KCNQ5: variants seen among roughly 807,000 people sequenced by gnomAD.
KCNQ5 encodes the protein potassium voltage-gated channel subfamily Q member 5, also known as potassium voltage-gated channel subfamily KQT member 5.
KCNQ5 carries 30 observed loss-of-function variants against 98.2 expected under a neutral mutation model. The observed-to-expected ratio is 0.31, with a 90% confidence interval of 0.23 to 0.41. The LOEUF is 0.41. KCNQ5 is among the 10% of genes least tolerant of loss of function. The pLI is 1.00. For synonymous variants in KCNQ5, 458 were observed against 449.4 expected (o/e 1.02, Z -0.24); for missense variants, 835 against 1,182.5 (o/e 0.71, Z 4.31).
rs371908016 is a variant in KCNQ5, at chr6:72,828,960, A to T, written c.399-174948A>T. The stretch of plus-strand genomic sequence containing the variant: ...ATAAAATACATTTATGTACATATCT[A>T]CATATATACACACACATTAAACATA... On this transcript the variant is annotated intron_variant, in intron 1 of 13. Transcript: ENST00000370398. Among the ~76,000 whole-genome samples the T allele has an allele frequency of 1.3e-3, 201 of 152,220 alleles. 2 individuals carry two copies. The highest frequency in any genetic ancestry group is 7.5e-3 in the South Asian group (36 of 4,824).
chr6:73,128,050 G>A (rs1265731336), intron 9 of KCNQ5, among the ~76,000 whole-genome samples: 1 of 152,060 alleles, frequency 6.6e-6, no homozygotes, highest in Non-Finnish European at 1.5e-5. Context: ...GGATGACAGA[G>A]CAAGACTCCA....
chr6:72,932,336 T>C (rs1765726290), intron 1 of KCNQ5, among the ~76,000 whole-genome samples: 1 of 152,064 alleles, frequency 6.6e-6, no homozygotes. Flanking sequence ...AGCTACATCC[T>C]CATCTTCCTA....
At chr6:73,159,999 TTGTTTGTTTGTTTG>T (rs1562213059) in intron 10 of KCNQ5, among the ~76,000 whole-genome samples, 1 of 151,116 alleles carries the variant, frequency 6.6e-6, no homozygotes, top group East Asian at 2.0e-4. Flanking sequence ...TTTTTTTTGT[TTGTTTGTTTGTTTG>T]TTTGTTTGTT....
chr6:72,648,165 A>G (rs1166883642), intron 1 of KCNQ5, among the ~76,000 whole-genome samples: 1 of 152,180 alleles, frequency 6.6e-6, no homozygotes, highest in Non-Finnish European at 1.5e-5. Flanking sequence ...GCCATTCACC[A>G]TGGCTATTGA....
At chr6:73,163,501 C>A (rs1380460762) in intron 10 of KCNQ5, among the ~76,000 whole-genome samples, 2 of 152,112 alleles carry the variant, frequency 1.3e-5, no homozygotes, top group African/African-American at 4.8e-5. Flanking sequence ...AATCCTAACA[C>A]TTTGGGAGGT....
At chr6:73,144,890 C>T (rs1014479086) in intron 10 of KCNQ5, among the ~76,000 whole-genome samples, 2 of 152,210 alleles carry the variant, frequency 1.3e-5, no homozygotes, top group African/African-American at 2.4e-5. Context: ...AGTTCAGGCT[C>T]AACCTATCAC....
chr6:72,935,064 CTTTTTTTTTTTTTT>C (rs59215198), intron 1 of KCNQ5, among the ~76,000 whole-genome samples: 4 of 99,202 alleles, frequency 4.0e-5, no homozygotes, highest in Admixed American at 3.6e-4. Flanking sequence ...CTTGTTCTAT[CTTTTTTTTTTTTTT>C]TTTTTTTTTT....
chr6:72,691,088 C>A (rs559265059), intron 1 of KCNQ5, among the ~76,000 whole-genome samples: 1 of 152,158 alleles, frequency 6.6e-6, no homozygotes, highest in African/African-American at 2.4e-5. Context: ...AACTTGAACT[C>A]AAAAATCAGT....
chr6:72,732,933 G>T (rs1449551240), intron 1 of KCNQ5, among the ~76,000 whole-genome samples: 1 of 152,130 alleles, frequency 6.6e-6, no homozygotes, highest in Non-Finnish European at 1.5e-5. Context: ...GGAGGAGGAT[G>T]CTCCAGTGTC....
chr6:73,153,571 C>T (rs1228096697), intron 10 of KCNQ5, among the ~76,000 whole-genome samples: 1 of 151,998 alleles, frequency 6.6e-6, no homozygotes, highest in Non-Finnish European at 1.5e-5. Flanking sequence ...CAGTCAAAGG[C>T]TAGTCATATT....
chr6:72,669,040 A>T (rs1179514896), intron 1 of KCNQ5, among the ~76,000 whole-genome samples: 1 of 152,100 alleles, frequency 6.6e-6, no homozygotes, highest in African/African-American at 2.4e-5. Flanking sequence ...CCCAAAATGT[A>T]TGTCCTTTTT....
At chr6:72,727,801 A>G (rs1243969403) in intron 1 of KCNQ5, among the ~76,000 whole-genome samples, 1 of 152,034 alleles carries the variant, frequency 6.6e-6, no homozygotes, top group Non-Finnish European at 1.5e-5. Context: ...CCTCAGTTGC[A>G]GGTTGGGTCT....
At chr6:72,913,633 G>T (rs1242343375) in intron 1 of KCNQ5, among the ~76,000 whole-genome samples, 1 of 152,200 alleles carries the variant, frequency 6.6e-6, no homozygotes, top group Non-Finnish European at 1.5e-5. Flanking sequence ...ACCAACAGTT[G>T]TGTAAAGTCT....
At chr6:72,894,958 G>GCA (rs201121326) in intron 1 of KCNQ5, among the ~76,000 whole-genome samples, 5 of 151,334 alleles carry the variant, frequency 3.3e-5, no homozygotes, top group Non-Finnish European at 5.9e-5. Flanking sequence ...GAGCACGTGT[G>GCA]CACACACACA....
intron 1 of KCNQ5, among the ~76,000 whole-genome samples, chr6:72,813,784 T>G (rs1775364006): frequency 6.6e-6 from 1 of 152,232 alleles, no homozygotes; most frequent in African/African-American, 2.4e-5. Context: ...TATAATGTAA[T>G]TGCTATGTAA....
rs917708459 is a variant in KCNQ5, at chr6:72,750,943, C to G, written c.398+128356C>G. 2.0e-5 allele frequency among the ~76,000 whole-genome samples: 3 copies of G among 152,044 alleles called. No individual in the cohort carries two copies. In the East Asian group the frequency reaches 5.8e-4, roughly 29 times the overall value. On this transcript the variant is annotated intron_variant, in intron 1 of 13. Coordinates refer to ENST00000370398, the MANE Select transcript of KCNQ5 (RefSeq NM_019842.4). ...ATTTATGTCATTAAAAAAGATACAT[C>G]TTCTGAATATGCCAGTTGACCAAAT... is the stretch of plus-strand genomic sequence containing the variant.
chr6:72,906,881 C>T (rs1779719642), intron 1 of KCNQ5, among the ~76,000 whole-genome samples: 1 of 152,190 alleles, frequency 6.6e-6, no homozygotes, highest in South Asian at 2.1e-4. Context: ...CTGCTTCATC[C>T]ATCAGAGTTG....
At chr6:73,136,420 G>A (rs1562200325) in intron 10 of KCNQ5, among the ~76,000 whole-genome samples, 5 of 152,176 alleles carry the variant, frequency 3.3e-5, no homozygotes, top group Admixed American at 2.6e-4. Context: ...ATGTCTCAGA[G>A]GTACAGAAAC....
At chr6:72,986,937 G>T in intron 1 of KCNQ5, 1 of 850,148 alleles carries the variant, frequency 1.2e-6, no homozygotes, top group Admixed American at 2.1e-5. Flanking sequence ...GCAGCCTTGG[G>T]GCAGATAACG....
Sources: gnomAD v4.1 joint callset for allele counts (sites outside exome capture counted in the v4.1 genomes callset) on GRCh38, gnomAD v4.1.1 for gene constraint, MANE v1.5 for transcripts, NCBI Gene and HGNC (gene_info 2026-07-23, HGNC 2026-07-21) for gene names.